Variants in COQ8A observed in about 807,000 individuals in gnomAD.
COQ8A encodes the protein coenzyme Q8A.
A neutral mutation model predicts 65.0 loss-of-function variants in COQ8A; 51 were observed. That is an observed-to-expected ratio of 0.78 (90% CI 0.63 to 0.99). COQ8A has a LOEUF of 0.99. Among genes scored for constraint, COQ8A ranks in the 50% least tolerant of loss-of-function variants. The pLI is 0.00. For synonymous variants in COQ8A, 371 were observed against 353.2 expected, an observed-to-expected ratio of 1.05 and a Z score of -0.57; for missense variants, 940 against 875.0, an observed-to-expected ratio of 1.07 and a Z score of -0.94.
intron 4 of COQ8A, among the ~76,000 whole-genome samples, chr1:226,967,175 C>A (rs766015761): frequency 3.2e-4 from 48 of 152,174 alleles, no homozygotes; most frequent in Non-Finnish European, 5.3e-4. Flanking sequence ...CTCTAGTGGT[C>A]CTTATCCCCT....
intron 1 of COQ8A, among the ~76,000 whole-genome samples, chr1:226,960,128 TTGG>T (rs1298357107): frequency 3.3e-4 from 40 of 122,860 alleles, no homozygotes; most frequent in African/African-American, 1.1e-3. Flanking sequence ...GTAGTGGTAC[TTGG>T]TGGTGGTGGT....
At chr1:226,960,372 GGTGGTACTTGGTGGTGTCA>G in intron 1 of COQ8A, among the ~76,000 whole-genome samples, 1 of 150,158 alleles carries the variant, frequency 6.7e-6, no homozygotes. Context: ...TGGTGGTGGT[GGTGGTACTTGGTGGTGTCA>G]GTGGTGGTAC....
intron 5 of COQ8A, among the ~76,000 whole-genome samples, chr1:226,980,596 G>T (rs1354198554): frequency 6.6e-6 from 1 of 152,190 alleles, no homozygotes; most frequent in Non-Finnish European, 1.5e-5. Context: ...CTAAGGCAAG[G>T]GGGTGGCCGA....
At chr1:226,965,840 T>C (rs1177850741) in intron 4 of COQ8A, 103 bp downstream of exon 4, 13 of 1,325,152 alleles carry the variant, frequency 9.8e-6, no homozygotes, top group Middle Eastern at 2.4e-4. Flanking sequence ...GGGGAGGGCG[T>C]TGGGGGAGCA....
intron 1 of COQ8A, among the ~76,000 whole-genome samples, chr1:226,955,193 A>G (rs1213705071): frequency 6.6e-6 from 1 of 151,982 alleles, no homozygotes; most frequent in Non-Finnish European, 1.5e-5. Context: ...GAGCCCTGGG[A>G]GGATGAGGTG....
At chr1:226,984,712 C>A (rs899375337) in intron 12 of COQ8A, 57 bp downstream of exon 12, 47 of 1,547,944 alleles carry the variant, frequency 3.0e-5, no homozygotes, top group Admixed American at 6.7e-5. Context: ...CCGAATGGGG[C>A]ACGTGAGGCC....
intron 1 of COQ8A, among the ~76,000 whole-genome samples, chr1:226,960,183 G>A (rs1175625084): frequency 7.2e-6 from 1 of 139,680 alleles, no homozygotes; most frequent in Non-Finnish European, 1.6e-5. Flanking sequence ...TGGTGGTGAT[G>A]GTACTTGTGG....
At chr1:226,973,024 TTGGC>T (rs1366746047) in intron 4 of COQ8A, among the ~76,000 whole-genome samples, 1 of 152,176 alleles carries the variant, frequency 6.6e-6, no homozygotes, top group African/African-American at 2.4e-5. Flanking sequence ...GTTGGACCCT[TTGGC>T]TGGGACCTTC....
Position 226,986,454 on chromosome 1 carries a change from T to C in COQ8A, c.1661T>C (p.Val554Ala). Residue 554 changes from valine (V) to alanine (A), a missense_variant and splice_region_variant, in exon 15 of 15, where the codon GTC (valine) becomes GCC (alanine). Val to Ala is a moderately conservative substitution (Grantham distance 64, BLOSUM62 0). Coordinates refer to ENST00000366777, the MANE Select transcript of COQ8A (RefSeq NM_020247.5). The part of the protein sequence containing the change: ...MKFLTGYEVK[V>A]MEDAHLDAIL... ...TTTATCCTTCCTCTCTTGCCCCAGG[T>C]CATGGAAGACGCCCACTTGGATGCC... is the stretch of plus-strand genomic sequence containing the variant. The C allele has an allele frequency of 6.2e-7, 1 of 1,611,866 alleles. No homozygotes were observed. Among genetic ancestry groups the C allele is most frequent in the Non-Finnish European group, 8.5e-7 (1 of 1,179,868 alleles).
At chr1:226,986,145 C>G (rs951837592) in intron 14 of COQ8A, among the ~76,000 whole-genome samples, 1 of 152,122 alleles carries the variant, frequency 6.6e-6, no homozygotes, top group African/African-American at 2.4e-5. Flanking sequence ...CTTAGGCCCA[C>G]GGACTCTGTT....
chr1:226,954,205 C>G (rs970853400), intron 1 of COQ8A, among the ~76,000 whole-genome samples: 1 of 152,224 alleles, frequency 6.6e-6, no homozygotes. Context: ...AGCTCATTCA[C>G]TTTTGATTTC....
intron 5 of COQ8A, among the ~76,000 whole-genome samples, chr1:226,981,736 C>T (rs1426360564): frequency 6.6e-6 from 1 of 152,184 alleles, no homozygotes; most frequent in Non-Finnish European, 1.5e-5. Context: ...TGTCACGGCC[C>T]GCCAGGTCCC....
intron 4 of COQ8A, among the ~76,000 whole-genome samples, chr1:226,973,958 G>A (rs1659043828): frequency 6.6e-6 from 1 of 152,214 alleles, no homozygotes; most frequent in Non-Finnish European, 1.5e-5. Context: ...GGCAGGTAAA[G>A]CCAAAGCCCC....
chr1:226,957,993 G>T (rs560875828), intron 1 of COQ8A: 1 of 152,280 alleles, frequency 6.6e-6, no homozygotes, highest in African/African-American at 2.4e-5. Context: ...TGTCCGTGGG[G>T]TTGGGAAGCT....
At chr1:226,971,925 T>G (rs1025771656) in intron 4 of COQ8A, among the ~76,000 whole-genome samples, 1 of 152,256 alleles carries the variant, frequency 6.6e-6, no homozygotes, top group South Asian at 2.1e-4. Flanking sequence ...CTTCAAATAC[T>G]GTATCTGTAC....
chr1:226,971,087 C>G (rs1005252106), intron 4 of COQ8A, among the ~76,000 whole-genome samples: 1 of 151,840 alleles, frequency 6.6e-6, no homozygotes, highest in Non-Finnish European at 1.5e-5. Context: ...ATTACAGGTG[C>G]ATGCCACCAC....
intron 4 of COQ8A, among the ~76,000 whole-genome samples, chr1:226,971,993 G>A (rs1279836248): frequency 2.6e-5 from 4 of 152,254 alleles, no homozygotes; most frequent in African/African-American, 9.6e-5. Flanking sequence ...TTTTCCCTCT[G>A]TCCCCTGTGT....
At chr1:226,941,854 G>C (rs1328230544) in intron 1 of COQ8A, among the ~76,000 whole-genome samples, 1 of 151,810 alleles carries the variant, frequency 6.6e-6, no homozygotes, top group Non-Finnish European at 1.5e-5. Context: ...ATGCAGAATC[G>C]TAATGATTTG....
At chr1:226,976,695 T>G (rs1659258923) in intron 4 of COQ8A, among the ~76,000 whole-genome samples, 3 of 152,118 alleles carry the variant, frequency 2.0e-5, no homozygotes, top group Admixed American at 2.0e-4. Context: ...GTGGCTTTCT[T>G]GAGCAGCTGG....
Sources: allele counts gnomAD v4.1 joint callset (sites outside exome capture counted in the v4.1 genomes callset), GRCh38; gene constraint gnomAD v4.1.1; transcripts MANE v1.5; gene names NCBI Gene and HGNC (gene_info 2026-07-23, HGNC 2026-07-21).